The following DLG2 variants were observed in gnomAD, a reference collection of about 807,000 sequenced individuals.
The protein encoded by DLG2 is disks large homolog 2.
Under a neutral mutation model 132.5 loss-of-function variants are expected in DLG2, and 45 were observed. The observed-to-expected ratio is 0.34, with a 90% CI of 0.27 to 0.44. DLG2 has a LOEUF of 0.44. Among genes scored for constraint, DLG2 ranks in the 20% least tolerant of loss-of-function variants. The pLI is 1.00. For missense variants in DLG2, 1,045 were observed against 1,196.9 expected, an observed-to-expected ratio of 0.87 and a Z score of 1.87; for synonymous variants, 424 against 419.6, an observed-to-expected ratio of 1.01 and a Z score of -0.13.
chr11:83,898,666 T>C (rs567997512), intron 15 of DLG2, among the ~76,000 whole-genome samples: 1 of 152,310 alleles, frequency 6.6e-6, no homozygotes, highest in South Asian at 2.1e-4. Context: ...AACATTTATC[T>C]GATACAATTG....
chr11:84,033,728 T>C lies in DLG2; in HGVS notation c.919+25587A>G, dbSNP rs74466981. Reference sequence around the variant, plus strand: ...AGTCAATTACTGTGGAAAACTTCAGTGTCTTAGTTTTAAAATTTGCCACAG... The same window carrying C: ...AGTCAATTACTGTGGAAAACTTCAGCGTCTTAGTTTTAAAATTTGCCACAG... On this transcript the variant is annotated intron_variant, in intron 11 of 27. Transcript: ENST00000376104. Among the ~76,000 whole-genome samples the C allele has an allele frequency of 5.2e-3, 791 of 152,246 alleles. 3 individuals are homozygous for C. The highest frequency in any genetic ancestry group is 0.018 in the African/African-American group (731 of 41,564).
At chr11:84,327,140 G>T (rs1599930892) in intron 7 of DLG2, among the ~76,000 whole-genome samples, 8 of 114,288 alleles carry the variant, frequency 7.0e-5, no homozygotes, top group East Asian at 2.7e-4. Flanking sequence ...TTTTTGAGAT[G>T]GAGTCTCTCT....
At chr11:84,684,320 C>T (rs138633786) in intron 6 of DLG2, among the ~76,000 whole-genome samples, 1 of 152,252 alleles carries the variant, frequency 6.6e-6, no homozygotes, top group African/African-American at 2.4e-5. Context: ...ACCCAGCTTG[C>T]TCCCCTTGCA....
chr11:84,561,163 A>C (rs765278076), intron 6 of DLG2, among the ~76,000 whole-genome samples: 4 of 152,112 alleles, frequency 2.6e-5, no homozygotes, highest in Non-Finnish European at 5.9e-5. Context: ...AATGCAAATG[A>C]TAGATGTGCT....
At chr11:83,913,899 C>G (rs1485354929) in intron 15 of DLG2, among the ~76,000 whole-genome samples, 1 of 152,240 alleles carries the variant, frequency 6.6e-6, no homozygotes, top group African/African-American at 2.4e-5. Flanking sequence ...ACATGGGCTA[C>G]AGTGTGGATA....
At chr11:83,528,401 A>G (rs779665474) in intron 21 of DLG2, among the ~76,000 whole-genome samples, 1 of 152,114 alleles carries the variant, frequency 6.6e-6, no homozygotes, top group Non-Finnish European at 1.5e-5. Flanking sequence ...ATTTGCTACA[A>G]TTCCCACCAT....
At chr11:84,442,160 T>C (rs1357154097) in intron 7 of DLG2, among the ~76,000 whole-genome samples, 1 of 152,200 alleles carries the variant, frequency 6.6e-6, no homozygotes, top group African/African-American at 2.4e-5. Context: ...GTGAAGAAAG[T>C]CAATGATAGC....
At chr11:83,635,140 C>T (rs2064455225) in intron 18 of DLG2, among the ~76,000 whole-genome samples, 1 of 152,064 alleles carries the variant, frequency 6.6e-6, no homozygotes, top group Admixed American at 6.6e-5. Context: ...ATTTGGGAGA[C>T]CGAGGCAGGA....
intron 7 of DLG2, among the ~76,000 whole-genome samples, chr11:84,501,073 A>C (rs770846798): frequency 6.6e-6 from 1 of 152,206 alleles, no homozygotes; most frequent in Non-Finnish European, 1.5e-5. Context: ...TGTTTGACTC[A>C]TAATAGGTTG....
intron 21 of DLG2, among the ~76,000 whole-genome samples, chr11:83,527,766 T>C (rs1474194923): frequency 1.3e-5 from 2 of 152,106 alleles, no homozygotes; most frequent in Non-Finnish European, 2.9e-5. Flanking sequence ...TACTGATAGC[T>C]CTCTCATACT....
At chr11:85,065,623 A>G (rs2064793985) in intron 6 of DLG2, among the ~76,000 whole-genome samples, 1 of 151,146 alleles carries the variant, frequency 6.6e-6, no homozygotes, top group Non-Finnish European at 1.5e-5. Flanking sequence ...ATTTTATTGG[A>G]CCACAGTGGA....
intron 6 of DLG2, among the ~76,000 whole-genome samples, chr11:84,861,067 T>C (rs1600081159): frequency 6.6e-6 from 1 of 152,036 alleles, no homozygotes; most frequent in East Asian, 1.9e-4. Context: ...ACAACCACAA[T>C]ACAGTATGAG....
At chr11:83,591,171 A>G (rs1421376050) in intron 19 of DLG2, among the ~76,000 whole-genome samples, 10 of 148,680 alleles carry the variant, frequency 6.7e-5, no homozygotes, top group Admixed American at 2.0e-4. Context: ...TACCAAAGCC[A>G]GGCAGAGACA....
chr11:83,509,054 G>A (rs561195336), intron 21 of DLG2, among the ~76,000 whole-genome samples: 8 of 152,304 alleles, frequency 5.3e-5, no homozygotes, highest in South Asian at 2.1e-4. Context: ...ATGTAGTCAC[G>A]TGATGTTACG....
chr11:85,581,638 A>G (rs1037603325), intron 3 of DLG2, among the ~76,000 whole-genome samples: 3 of 151,898 alleles, frequency 2.0e-5, no homozygotes, highest in Non-Finnish European at 4.4e-5. Flanking sequence ...AAAAACAAAC[A>G]AACAAACAAC....
At chr11:83,617,704 A>G (rs1272995193) in intron 19 of DLG2, among the ~76,000 whole-genome samples, 1 of 152,228 alleles carries the variant, frequency 6.6e-6, no homozygotes, top group East Asian at 1.9e-4. Flanking sequence ...AAAGCTTCCA[A>G]AATTTCATTA....
intron 6 of DLG2, among the ~76,000 whole-genome samples, chr11:84,706,317 A>C (rs917286899): frequency 1.3e-5 from 2 of 151,876 alleles, no homozygotes; most frequent in Non-Finnish European, 2.9e-5. Flanking sequence ...CTATACAGAG[A>C]GTGCTTTGGG....
At chr11:85,103,848 T>C (rs942637649) in intron 6 of DLG2, among the ~76,000 whole-genome samples, 1 of 151,892 alleles carries the variant, frequency 6.6e-6, no homozygotes, top group Non-Finnish European at 1.5e-5. Flanking sequence ...ATCCAGAACA[T>C]GTAAAGAACT....
At chr11:83,959,512 TA>T (rs1226723992) in intron 14 of DLG2, among the ~76,000 whole-genome samples, 1 of 152,124 alleles carries the variant, frequency 6.6e-6, no homozygotes, top group African/African-American at 2.4e-5. Context: ...GTCTCAAACA[TA>T]AGCACCTAAA....
Sources: allele counts gnomAD v4.1 joint callset (sites outside exome capture counted in the v4.1 genomes callset), GRCh38; gene constraint gnomAD v4.1.1; transcripts MANE v1.5; gene names NCBI Gene and HGNC (gene_info 2026-07-23, HGNC 2026-07-21).